The following CDIN1 variants were observed in gnomAD, a reference collection of about 807,000 sequenced individuals.
CDIN1 encodes CDAN1 interacting nuclease 1.
CDIN1 carries 33 observed loss-of-function variants against 45.3 expected under a neutral mutation model. That is an observed-to-expected ratio of 0.73 (90% CI 0.55 to 0.97). CDIN1 has a LOEUF of 0.97. Among genes scored for constraint, CDIN1 ranks in the 50% least tolerant of loss-of-function variants. CDIN1 has a pLI of 0.00. For missense variants in CDIN1, 303 were observed against 339.4 expected, an observed-to-expected ratio of 0.89 and a Z score of 0.84; for synonymous variants, 118 against 124.4, an observed-to-expected ratio of 0.95 and a Z score of 0.34.
At chr15:36,581,793 G>T (rs1305904581) in intron 1 of CDIN1, among the ~76,000 whole-genome samples, 1 of 152,212 alleles carries the variant, frequency 6.6e-6, no homozygotes, top group Non-Finnish European at 1.5e-5. Context: ...AGGCTGAGGT[G>T]GGTGAATCAC....
chr15:36,609,976 C>G (rs188600325), intron 1 of CDIN1, among the ~76,000 whole-genome samples: 1 of 152,226 alleles, frequency 6.6e-6, no homozygotes, highest in African/African-American at 2.4e-5. Flanking sequence ...TTGTACAGCT[C>G]TCTGTGTGAC....
At chr15:36,697,645 G>A (rs1408098741) in intron 8 of CDIN1, among the ~76,000 whole-genome samples, 3 of 151,884 alleles carry the variant, frequency 2.0e-5, no homozygotes, top group African/African-American at 4.8e-5. Flanking sequence ...TATTACTTTT[G>A]GTGTCATGAG....
At chr15:36,729,197 A>G (rs2043752447) in intron 10 of CDIN1, among the ~76,000 whole-genome samples, 1 of 152,102 alleles carries the variant, frequency 6.6e-6, no homozygotes, top group African/African-American at 2.4e-5. Context: ...GACAGTACCA[A>G]TTGTGGAAAT....
At position 36,709,967 on chromosome 15, in the gene CDIN1, G is replaced by T; in HGVS notation, c.716+6G>T. ...TTCTGGAGCTACTGGAATAGGTAAG[G>T]TCTCATTATTTTTCTTTTAAGATAA... On this transcript the variant is annotated splice_donor_region_variant and intron_variant, in intron 10 of 10. Transcript: ENST00000566621. The T allele has an allele frequency of 1.3e-6, 2 of 1,590,230 alleles. No homozygotes were observed. Among genetic ancestry groups the T allele is most frequent in the African/African-American group, 1.3e-5 (1 of 74,304 alleles).
At chr15:36,586,192 G>GTTTT (rs10691719) in intron 1 of CDIN1, among the ~76,000 whole-genome samples, 6,533 of 140,158 alleles carry the variant, frequency 0.047, 213 homozygotes, top group Admixed American at 0.061. Context: ...TTACCTTTGA[G>GTTTT]TTTTTTTTTT....
chr15:36,609,847 C>T (rs2038564550), intron 1 of CDIN1, among the ~76,000 whole-genome samples: 1 of 152,182 alleles, frequency 6.6e-6, no homozygotes, highest in Non-Finnish European at 1.5e-5. Flanking sequence ...ATGTGTTAAG[C>T]TTTTAAGAAG....
At chr15:36,709,694 T>C in intron 9 of CDIN1, 162 bp from the exon 10 acceptor site, 1 of 536,868 alleles carries the variant, frequency 1.9e-6, no homozygotes, top group South Asian at 3.2e-5. Context: ...ATGTTCTTTG[T>C]AATGAACATA....
chr15:36,626,768 G>A (rs2039445489), intron 1 of CDIN1: 4 of 370,412 alleles, frequency 1.1e-5, no homozygotes, highest in South Asian at 2.3e-5. Context: ...TACTTGGTGT[G>A]CGTTACTGAT....
intron 5 of CDIN1, among the ~76,000 whole-genome samples, chr15:36,682,776 A>G (rs2041901002): frequency 6.6e-6 from 1 of 151,480 alleles, no homozygotes; most frequent in African/African-American, 2.4e-5. Flanking sequence ...CCAAAAAAAA[A>G]AAAAAAAAAA....
At chr15:36,762,412 A>C (rs2053790320) in intron 10 of CDIN1, among the ~76,000 whole-genome samples, 1 of 152,130 alleles carries the variant, frequency 6.6e-6, no homozygotes, top group South Asian at 2.1e-4. Context: ...ATTTATCTAC[A>C]AGTTTTTGCT....
chr15:36,708,228 GA>G (rs1333809894), intron 8 of CDIN1: 2 of 152,108 alleles, frequency 1.3e-5, no homozygotes, highest in African/African-American at 2.4e-5. Context: ...GGTGATGCAG[GA>G]AGGCGAATGG....
intron 10 of CDIN1, among the ~76,000 whole-genome samples, chr15:36,736,205 T>G (rs1400256649): frequency 6.6e-6 from 1 of 152,176 alleles, no homozygotes; most frequent in Non-Finnish European, 1.5e-5. Flanking sequence ...TCTCTCTCTG[T>G]TTTTGCTTAT....
chr15:36,775,051 T>C (rs1466263507), intron 10 of CDIN1, among the ~76,000 whole-genome samples: 24 of 152,218 alleles, frequency 1.6e-4, no homozygotes, highest in Admixed American at 1.6e-3. Context: ...CAGTTGGAAA[T>C]AGAAAAAGCT....
chr15:36,634,046 C>A (rs1465231957), intron 1 of CDIN1, among the ~76,000 whole-genome samples: 2 of 151,466 alleles, frequency 1.3e-5, no homozygotes, highest in Non-Finnish European at 2.9e-5. Context: ...GCCACCATGC[C>A]CAACCCACCC....
intron 3 of CDIN1, among the ~76,000 whole-genome samples, chr15:36,647,279 C>T (rs1264522460): frequency 6.6e-6 from 1 of 152,140 alleles, no homozygotes; most frequent in Admixed American, 6.5e-5. Context: ...CCCACCTCAG[C>T]CTCCCAAAGT....
At chr15:36,637,231 C>CACACAAAATTAATTGAAGGTAAATCAT (rs1256394350) in intron 1 of CDIN1, among the ~76,000 whole-genome samples, 4 of 152,250 alleles carry the variant, frequency 2.6e-5, no homozygotes, top group East Asian at 1.9e-4. Flanking sequence ...CCCTCCTTAA[C>CACACAAAATTAATTGAAGGTAAATCAT]ACACAAAATT....
chr15:36,666,450 C>A, intron 5 of CDIN1, among the ~76,000 whole-genome samples: 1 of 152,084 alleles, frequency 6.6e-6, no homozygotes, highest in East Asian at 1.9e-4. Context: ...AACACTTGCC[C>A]CTTCCCCTCA....
intron 10 of CDIN1, among the ~76,000 whole-genome samples, chr15:36,736,832 G>C (rs1311287837): frequency 6.6e-6 from 1 of 152,034 alleles, no homozygotes; most frequent in Non-Finnish European, 1.5e-5. Flanking sequence ...CCTACTTCTA[G>C]CCAAACAAAT....
At chr15:36,625,280 C>CA (rs899963579) in intron 1 of CDIN1, among the ~76,000 whole-genome samples, 283 of 110,538 alleles carry the variant, frequency 2.6e-3, no homozygotes, top group African/African-American at 7.4e-3. Flanking sequence ...GACCCTGTCT[C>CA]AAAAAAAAAA....
Sources: gnomAD v4.1 joint callset for allele counts (sites outside exome capture counted in the v4.1 genomes callset) on GRCh38, gnomAD v4.1.1 for gene constraint, MANE v1.5 for transcripts, NCBI Gene and HGNC (gene_info 2026-07-23, HGNC 2026-07-21) for gene names.